The following POGZ variants were observed in gnomAD, a reference collection of about 807,000 sequenced individuals.
POGZ encodes pogo transposable element with ZNF domain.
A neutral mutation model predicts 134.6 loss-of-function variants in POGZ; 17 were observed. The ratio of observed to expected loss-of-function variants is 0.13; its 90% CI spans 0.09 to 0.19. The LOEUF (loss-of-function observed/expected upper bound fraction) is 0.19. POGZ is among the 10% of genes least tolerant of loss of function. POGZ has a pLI of 1.00. For synonymous variants in POGZ, 693 were observed against 657.1 expected, an observed-to-expected ratio of 1.05 and a Z score of -0.84; for missense variants, 1,306 against 1,769.7, an observed-to-expected ratio of 0.74 and a Z score of 4.70.
intron 10 of POGZ, among the ~76,000 whole-genome samples, chr1:151,415,566 G>A (rs1405369472): frequency 1.3e-5 from 2 of 151,380 alleles, no homozygotes; most frequent in Admixed American, 1.3e-4. Flanking sequence ...AGCTACTCGG[G>A]AGGCTGAGGC....
chr1:151,425,231 T>G (rs186756449), intron 7 of POGZ, 170 bp from the exon 8 acceptor site: 188 of 475,896 alleles, frequency 4.0e-4, no homozygotes, highest in Non-Finnish European at 6.4e-4. Context: ...ACACGGTCTC[T>G]CAGTCTGTTG....
In POGZ at chr1:151,403,408, G is replaced by A. The variant is rs189940613; in HGVS notation, c.*1394C>T. 5 of 984,750 alleles carry A rather than the reference G, an allele frequency of 5.1e-6. No homozygotes were observed. Among genetic ancestry groups the A allele is most frequent in the Non-Finnish European group, 6.0e-6 (5 of 829,124 alleles). The allele number at this position is 984,750 out of a possible 1,614,324, so 61.0% of individuals were successfully genotyped here. ...TTCCACTTATGTACATTTTAAAGAC[G>A]AACCATTTACAAGCTTGTGCAGTTT... On this transcript the variant is annotated 3_prime_UTR_variant, in exon 19 of 19. Coordinates refer to ENST00000271715, the MANE Select transcript of POGZ (RefSeq NM_015100.4).
rs749911775 is a variant in POGZ at position 151,405,065 on chromosome 1, G to C, written c.3970C>G (p.Leu1324Val). The C allele has an allele frequency of 2.4e-5, 38 of 1,614,100 alleles. No homozygotes were observed. The highest frequency in any genetic ancestry group is 3.1e-5 in the Non-Finnish European group (36 of 1,180,060). The stretch of plus-strand genomic sequence containing the variant: ...GGGCCAGGCAGAACACTAGCCACCA[G>C]GAAGGAGCGCTGAACTAGCTCTGGA... Reference protein sequence around the residue: ...DCPELVQRSFLVASVLPGPDG... With the variant: ...DCPELVQRSFVVASVLPGPDG... Residue 1324 changes from leucine to valine, a missense_variant, in exon 19 of 19, where the codon CTG becomes GTG. Transcript: ENST00000271715. This position sits in a 1 kb window ranked among gnomAD's most constrained non-coding sequence, Gnocchi z 4.9.
chr1:151,454,788 T>G (rs1438542861), intron 1 of POGZ, among the ~76,000 whole-genome samples: 2 of 152,254 alleles, frequency 1.3e-5, no homozygotes, highest in East Asian at 3.8e-4. Flanking sequence ...GTCTCTTTTC[T>G]GCTCTCCTCC....
At position 151,429,613 on chromosome 1, in the gene POGZ, T is replaced by C. The variant is rs769677014; in HGVS notation, c.558A>G (p.Thr186=). 3 of 1,573,818 alleles carry C rather than the reference T, an allele frequency of 1.9e-6. No individual in the cohort carries two copies. Among genetic ancestry groups the C allele is most frequent in the Non-Finnish European group, 2.6e-6 (3 of 1,144,364 alleles). ...VQQGQTVRPI[T]LVPAPGTQFV... ...GACATTTTTCCTTACCTGGAACTAG[T>C]GTAATTGGTCTAACCGTTTGGCCTT... Residue 186 remains threonine (T), a synonymous_variant, in exon 5 of 19, where the codon ACA becomes ACG. Coordinates refer to ENST00000271715, the MANE Select transcript of POGZ (RefSeq NM_015100.4).
intron 3 of POGZ, among the ~76,000 whole-genome samples, chr1:151,436,159 T>C (rs1233510368): frequency 6.6e-6 from 1 of 152,120 alleles, no homozygotes; most frequent in Non-Finnish European, 1.5e-5. Flanking sequence ...GGTTTCACTA[T>C]GTTAGCCAGG....
intron 10 of POGZ, 144 bp downstream of exon 10, chr1:151,423,253 G>T: frequency 1.5e-6 from 1 of 669,372 alleles, no homozygotes; most frequent in Non-Finnish European, 2.5e-6. Context: ...GGTGAATGAA[G>T]TAAAGAACTG....
intron 1 of POGZ, among the ~76,000 whole-genome samples, chr1:151,452,857 C>CT (rs1662300223): frequency 6.6e-6 from 1 of 150,988 alleles, no homozygotes; most frequent in African/African-American, 2.4e-5. Flanking sequence ...GAGCGAGACT[C>CT]TGTCTTAAAA....
At chr1:151,413,428 A>C (rs981320606) in intron 10 of POGZ, among the ~76,000 whole-genome samples, 6 of 152,054 alleles carry the variant, frequency 3.9e-5, no homozygotes, top group Non-Finnish European at 8.8e-5. Flanking sequence ...GCACCGGCCA[A>C]TTTTGGTAAG....
intron 3 of POGZ, among the ~76,000 whole-genome samples, chr1:151,432,302 A>AT (rs1658827969): frequency 6.6e-6 from 1 of 152,208 alleles, no homozygotes; most frequent in South Asian, 2.1e-4. Context: ...TTGGCAGGTT[A>AT]TATCACCACA....
At chr1:151,458,713 G>C (rs1051536177) in intron 1 of POGZ, among the ~76,000 whole-genome samples, 2 of 143,590 alleles carry the variant, frequency 1.4e-5, no homozygotes, top group African/African-American at 5.0e-5. Context: ...TTCCCCAGCG[G>C]GCCACCGCCC....
At chr1:151,434,067 G>C (rs1659177694) in intron 3 of POGZ, among the ~76,000 whole-genome samples, 1 of 152,108 alleles carries the variant, frequency 6.6e-6, no homozygotes, top group Non-Finnish European at 1.5e-5. Context: ...TCAGCACTTT[G>C]GGAGGCCGAG....
intron 3 of POGZ, among the ~76,000 whole-genome samples, chr1:151,439,732 G>T (rs1390189573): frequency 6.6e-6 from 1 of 152,132 alleles, no homozygotes; most frequent in Non-Finnish European, 1.5e-5. Context: ...AATATAAACT[G>T]ACACAACATT....
intron 3 of POGZ, among the ~76,000 whole-genome samples, chr1:151,440,129 A>T (rs1009946677): frequency 6.6e-6 from 1 of 152,022 alleles, no homozygotes; most frequent in Non-Finnish European, 1.5e-5. Context: ...GTACAGAATA[A>T]AAGTAACCAT....
intron 8 of POGZ, 31 bp from the exon 9 acceptor site, chr1:151,424,317 T>C (rs1231253497): frequency 7.3e-7 from 1 of 1,365,076 alleles, no homozygotes; most frequent in South Asian, 1.4e-5. Context: ...TCATTCTGGT[T>C]ATCCTGGGGG....
Position 151,427,588 on chromosome 1 carries a change from TAATC to T in POGZ, c.1078+231_1078+234del, listed in dbSNP as rs536526173. 8.2e-4 allele frequency: 394 copies of T among 482,928 alleles called. 1 individual carries two copies. The highest frequency in any genetic ancestry group is 6.7e-3 in the African/African-American group (347 of 51,896). 29.9% of individuals were successfully genotyped at this position (482,928 alleles called of 1,614,324 possible). On this transcript the variant is annotated intron_variant, in intron 7 of 18. Coordinates refer to ENST00000271715, the MANE Select transcript of POGZ (RefSeq NM_015100.4). ...TATCTTTCATTATCTCACCCATCTTTAATCAATCAATTTCACTAATCTCCAAAGC... is the reference window on the plus strand; with the variant it reads ...TATCTTTCATTATCTCACCCATCTTTAATCAATTTCACTAATCTCCAAAGC...
In POGZ at chr1:151,412,332, A is replaced by T; in HGVS notation, c.1743T>A (p.Asp581Glu). Reference sequence around the variant, plus strand: ...AAGGCATCTCTCCAGGCTTATGAGTATCCTTCATATGCTGGAGAAATAGTG... The same window carrying T: ...AAGGCATCTCTCCAGGCTTATGAGTTTCCTTCATATGCTGGAGAAATAGTG... ...SEPLFLQHMK[D>E]THKPGEMPYV... Residue 581 changes from aspartate to glutamate, a missense_variant, in exon 11 of 19, where the codon GAT becomes GAA. This residue lies in a region of POGZ where 149 missense variants were observed against 237.5 expected (regional missense o/e 0.63). Coordinates refer to ENST00000271715, the MANE Select transcript of POGZ (RefSeq NM_015100.4). The T allele has an allele frequency of 6.2e-7, 1 of 1,607,600 alleles. No homozygotes were observed. The highest frequency in any genetic ancestry group is 8.5e-7 in the Non-Finnish European group (1 of 1,174,294).
chr1:151,414,467 A>G (rs1046532828), intron 10 of POGZ, among the ~76,000 whole-genome samples: 1 of 152,224 alleles, frequency 6.6e-6, no homozygotes, highest in Non-Finnish European at 1.5e-5. Flanking sequence ...GCAATTTCTA[A>G]TGTACAAGCA....
rs1658555180 is a variant in POGZ at position 151,430,816 on chromosome 1, A to G, written c.309T>C (p.Gly103=). The G allele has an allele frequency of 6.4e-7, 1 of 1,573,252 alleles. No individual in the cohort carries two copies. The highest frequency in any genetic ancestry group is 2.0e-5 in the Admixed American group (1 of 50,964). Residue 103 remains glycine, a synonymous_variant, in exon 4 of 19, where the codon GGT becomes GGC. Transcript: ENST00000271715. ...NNAGNPLVQQ[G]GQPLILTQNP... ...TCTGGGTCAGGATGAGTGGCTGTCC[A>G]CCTTGCTGGACCAAAGGATTGCCAG...
Sources: allele counts gnomAD v4.1 joint callset (sites outside exome capture counted in the v4.1 genomes callset), GRCh38; gene constraint gnomAD v4.1.1; regional missense constraint gnomAD v4.1.1; non-coding constraint Gnocchi (gnomAD v3.1); transcripts MANE v1.5; gene names NCBI Gene and HGNC (gene_info 2026-07-23, HGNC 2026-07-21).